Variants in KHDRBS2 observed in about 807,000 individuals in gnomAD.
KHDRBS2 encodes KH domain-containing, RNA-binding, signal transduction-associated protein 2.
KHDRBS2 carries 26 observed loss-of-function variants against 44.3 expected under a neutral mutation model. That is an observed-to-expected ratio of 0.59 (90% CI 0.43 to 0.81). The LOEUF (loss-of-function observed/expected upper bound fraction) is 0.81, where lower values mean the gene tolerates loss of function less well. KHDRBS2 is among the 40% of genes least tolerant of loss of function. The pLI, the probability that KHDRBS2 is intolerant of heterozygous loss-of-function variation, is 0.00. For missense variants in KHDRBS2, 476 were observed against 433.1 expected (o/e 1.10, Z -0.88); for synonymous variants, 194 against 151.1 (o/e 1.28, Z -2.08).
chr6:61,952,819 A>G (rs1765049592), intron 4 of KHDRBS2, among the ~76,000 whole-genome samples: 1 of 152,068 alleles, frequency 6.6e-6, no homozygotes, highest in South Asian at 2.1e-4. Context: ...ATAAACGGGT[A>G]AAACAGTTTA....
At chr6:61,551,847 C>T in the KHDRBS2 span, among the ~76,000 whole-genome samples, 1 of 151,470 alleles carries the variant, frequency 6.6e-6, no homozygotes, top group Admixed American at 6.6e-5. Flanking sequence ...TTACTCAGGC[C>T]TTTTTTTTGG....
intron 3 of KHDRBS2, among the ~76,000 whole-genome samples, chr6:62,033,850 G>T (rs932048663): frequency 6.7e-6 from 1 of 150,314 alleles, no homozygotes; most frequent in African/African-American, 2.4e-5. Flanking sequence ...ATAAGAAGTT[G>T]GTTTTTTGAA....
intron 4 of KHDRBS2, among the ~76,000 whole-genome samples, chr6:61,952,877 A>T (rs191482926): frequency 6.6e-6 from 1 of 152,164 alleles, no homozygotes; most frequent in Admixed American, 6.6e-5. Flanking sequence ...AACACACATT[A>T]TCTCTGTGTA....
chr6:61,810,587 A>G (rs1787960939), intron 6 of KHDRBS2, among the ~76,000 whole-genome samples: 1 of 152,140 alleles, frequency 6.6e-6, no homozygotes, highest in Non-Finnish European at 1.5e-5. Flanking sequence ...TGTATATTAG[A>G]ATGAAAAAAA....
the KHDRBS2 span, among the ~76,000 whole-genome samples, chr6:61,560,050 C>A: frequency 1.3e-5 from 2 of 152,034 alleles, no homozygotes; most frequent in Non-Finnish European, 2.9e-5. Flanking sequence ...ATTTCTCCTT[C>A]ATGTTTGAAG....
chr6:61,770,348 C>T (rs368347367), intron 6 of KHDRBS2, among the ~76,000 whole-genome samples: 5 of 152,150 alleles, frequency 3.3e-5, no homozygotes, highest in South Asian at 2.1e-4. Flanking sequence ...ATGACTTTGC[C>T]GAGTTGAGAG....
At position 61,923,246 on chromosome 6, in the gene KHDRBS2, A is replaced by T. The variant is rs559538099; in HGVS notation, c.484-21875T>A. On this transcript the variant is annotated intron_variant, in intron 4 of 8. Transcript: ENST00000281156. ...TAGAGATAAATAAGAATTACTAAAA[A>T]AATTAAAAAGAGAAGACACAAATTT... Among the ~76,000 whole-genome samples the T allele has an allele frequency of 2.6e-5, 4 of 152,228 alleles. No individual in the cohort carries two copies. In the South Asian group the frequency reaches 6.2e-4, roughly 24 times the overall value.
At chr6:61,708,588 A>T (rs1419980023) in intron 7 of KHDRBS2, among the ~76,000 whole-genome samples, 1 of 151,620 alleles carries the variant, frequency 6.6e-6, no homozygotes, top group Non-Finnish European at 1.5e-5. Context: ...CATTCAATGA[A>T]TAATGTTACA....
chr6:61,622,993 G>A, the KHDRBS2 span, among the ~76,000 whole-genome samples: 2 of 152,042 alleles, frequency 1.3e-5, no homozygotes, highest in Non-Finnish European at 2.9e-5. Context: ...TTACTATAAT[G>A]ATTGGCAGGA....
the KHDRBS2 span, among the ~76,000 whole-genome samples, chr6:61,617,637 AT>A: frequency 1.4e-4 from 22 of 151,986 alleles, no homozygotes; most frequent in East Asian, 3.9e-4. Flanking sequence ...AAAAAGACTG[AT>A]TTTTTTTATC....
chr6:62,108,592 A>G (rs530845221), intron 2 of KHDRBS2, among the ~76,000 whole-genome samples: 1 of 152,186 alleles, frequency 6.6e-6, no homozygotes, highest in Non-Finnish European at 1.5e-5. Context: ...CCATCCCATT[A>G]CTGGGTATAT....
chr6:62,048,007 A>T lies in KHDRBS2; in HGVS notation c.220-13T>A. On this transcript the variant is annotated splice_polypyrimidine_tract_variant and intron_variant, in intron 2 of 8. Transcript: ENST00000281156. ...CCACAAAATTGAACTAGGAAACAAA[A>T]TCAATAGAATGTCTGTTTTAAGGTA... The T allele has an allele frequency of 7.9e-7, 1 of 1,269,640 alleles. No individual in the cohort carries two copies. Among genetic ancestry groups the T allele is most frequent in the Admixed American group, 1.7e-5 (1 of 59,430 alleles). 78.6% of individuals were successfully genotyped at this position (1,269,640 alleles called of 1,614,324 possible).
intron 6 of KHDRBS2, among the ~76,000 whole-genome samples, chr6:61,746,274 C>T (rs559468119): frequency 2.0e-5 from 3 of 152,162 alleles, no homozygotes; most frequent in East Asian, 3.9e-4. Flanking sequence ...GCCTCGCATG[C>T]ATTAAGTATT....
chr6:61,839,379 C>T (rs917097992), intron 6 of KHDRBS2, among the ~76,000 whole-genome samples: 3 of 150,798 alleles, frequency 2.0e-5, no homozygotes, highest in African/African-American at 7.3e-5. Context: ...AGCTAACCAG[C>T]AAGTAATAGA....
chr6:61,621,152 G>T, the KHDRBS2 span, among the ~76,000 whole-genome samples: 1 of 152,150 alleles, frequency 6.6e-6, no homozygotes, highest in African/African-American at 2.4e-5. Flanking sequence ...GTAGAATGTA[G>T]GGTACAGAAA....
intron 1 of KHDRBS2, among the ~76,000 whole-genome samples, chr6:62,257,140 T>A (rs991546425): frequency 5.3e-5 from 8 of 152,128 alleles, no homozygotes; most frequent in Admixed American, 3.9e-4. Flanking sequence ...TAAGTATTAA[T>A]ACTGGGATTT....
the KHDRBS2 span, among the ~76,000 whole-genome samples, chr6:61,637,430 T>C: frequency 2.6e-5 from 4 of 152,204 alleles, no homozygotes; most frequent in Non-Finnish European, 4.4e-5. Flanking sequence ...ATCCAGTCTA[T>C]CATTGTTGGA....
At chr6:61,863,860 CT>C (rs1797385723) in intron 6 of KHDRBS2, among the ~76,000 whole-genome samples, 1 of 152,156 alleles carries the variant, frequency 6.6e-6, no homozygotes. Flanking sequence ...ACTCAATGAT[CT>C]GTCTAACATT....
chr6:61,853,783 T>C lies in KHDRBS2; in HGVS notation c.810+40852A>G, dbSNP rs544965639. On this transcript the variant is annotated intron_variant, in intron 6 of 8. Transcript: ENST00000281156. The stretch of plus-strand genomic sequence containing the variant: ...TGGATGGTTTTTGGGCTGATGCAGT[T>C]TTTCATACATCAGCTCCTTCTATTT... Among the ~76,000 whole-genome samples the C allele has an allele frequency of 3.9e-5, 6 of 152,316 alleles. No homozygotes were observed. The East Asian group carries it at 1.2e-3, about 29-fold the overall frequency.
Sources: allele counts gnomAD v4.1 joint callset (sites outside exome capture counted in the v4.1 genomes callset), GRCh38; gene constraint gnomAD v4.1.1; transcripts MANE v1.5; gene names NCBI Gene and HGNC (gene_info 2026-07-23, HGNC 2026-07-21).